The following HDAC5 variants were observed in gnomAD, a reference collection of about 807,000 sequenced individuals.
HDAC5 encodes antigen NY-CO-9.
Under a neutral mutation model 133.3 loss-of-function variants are expected in HDAC5, and 25 were observed. The observed-to-expected ratio is 0.19, with a 90% CI of 0.14 to 0.26. The LOEUF is 0.26. Among genes scored for constraint, HDAC5 ranks in the 10% least tolerant of loss-of-function variants. HDAC5 has a pLI of 1.00. For synonymous variants in HDAC5, 589 were observed against 610.8 expected (o/e 0.96, Z 0.53); for missense variants, 1,041 against 1,460.5 (o/e 0.71, Z 4.68).
chr17:44,120,886 A>G (rs957942429), intron 1 of HDAC5, among the ~76,000 whole-genome samples: 4 of 152,010 alleles, frequency 2.6e-5, no homozygotes, highest in Non-Finnish European at 4.4e-5. Flanking sequence ...GCCTCCCCCA[A>G]GCTAGGCCAA....
At chr17:44,106,637 C>G (rs2051967079) in intron 3 of HDAC5, among the ~76,000 whole-genome samples, 1 of 151,794 alleles carries the variant, frequency 6.6e-6, no homozygotes, top group Admixed American at 6.6e-5. Flanking sequence ...GTTGCCCAGG[C>G]TGGAGTGCAA....
intron 3 of HDAC5, among the ~76,000 whole-genome samples, chr17:44,099,621 C>T (rs2051466526): frequency 6.6e-6 from 1 of 151,962 alleles, no homozygotes; most frequent in East Asian, 1.9e-4. Flanking sequence ...ACTACAGGCA[C>T]CCGCCACCAC....
intron 2 of HDAC5, among the ~76,000 whole-genome samples, chr17:44,114,306 C>G (rs141233463): frequency 1.2e-3 from 177 of 152,352 alleles, no homozygotes; most frequent in Non-Finnish European, 2.0e-3. Context: ...GATTGACCCA[C>G]TTTCTCACTG....
At chr17:44,122,942 G>A (rs1390665075) in intron 1 of HDAC5, among the ~76,000 whole-genome samples, 1 of 152,226 alleles carries the variant, frequency 6.6e-6, no homozygotes, top group Non-Finnish European at 1.5e-5. Context: ...AGGAGACGGG[G>A]TGAGAATAAT....
intron 11 of HDAC5, among the ~76,000 whole-genome samples, chr17:44,090,406 G>A (rs866752826): frequency 2.0e-5 from 3 of 151,890 alleles, no homozygotes; most frequent in Admixed American, 6.6e-5. Context: ...ACAGAGTGTC[G>A]CTCTGTTGCC....
In HDAC5 at chr17:44,117,361, T is replaced by C; in HGVS notation, c.22+133A>G. 9.9e-7 allele frequency: 1 copy of C among 1,009,970 alleles called. No homozygotes were observed. The highest frequency in any genetic ancestry group is 1.6e-6 in the Non-Finnish European group (1 of 637,918). The allele number at this position is 1,009,970 out of a possible 1,614,324, so 62.6% of individuals were successfully genotyped here. A position where few individuals can be genotyped will look rare whatever the true frequency, so the allele number is the denominator to read the frequency against. ...CCTCATGGGCCCTTTCTTGCAACAC[T>C]TCTCCACTCCTTACCCCCTCATTCC... On this transcript the variant is annotated intron_variant, in intron 2 of 26. Transcript: ENST00000682912. The surrounding 1 kb of genome is among the most constrained non-coding windows in gnomAD (Gnocchi z 4.2).
At chr17:44,094,777 C>G (rs1327516976) in intron 3 of HDAC5, among the ~76,000 whole-genome samples, 1 of 151,768 alleles carries the variant, frequency 6.6e-6, no homozygotes, top group Non-Finnish European at 1.5e-5. Flanking sequence ...TACACACACA[C>G]ATACATATGT....
At chr17:44,109,014 C>A (rs541347953) in intron 3 of HDAC5, among the ~76,000 whole-genome samples, 1 of 152,192 alleles carries the variant, frequency 6.6e-6, no homozygotes, top group East Asian at 1.9e-4. Flanking sequence ...CATGCAGGGG[C>A]AGCCAGGCTT....
At chr17:44,107,607 CAAAA>C (rs61428400) in intron 3 of HDAC5, among the ~76,000 whole-genome samples, 2 of 88,688 alleles carry the variant, frequency 2.3e-5, no homozygotes, top group Admixed American at 1.3e-4. Flanking sequence ...GACTCCGTAT[CAAAA>C]AAAAAAAAAA....
rs1257746583 is a variant in HDAC5 at position 44,111,632 on chromosome 17, C to G, written c.23-832G>C. On this transcript the variant is annotated intron_variant, in intron 2 of 26. Transcript: ENST00000682912. ...GGTCTAGGAGAGGCTGGCACACAGGCACCTTCCCTGGAGTTCTAATAGCCC... is the reference window on the plus strand; with the variant it reads ...GGTCTAGGAGAGGCTGGCACACAGGGACCTTCCCTGGAGTTCTAATAGCCC... The G allele has an allele frequency of 1.2e-5, 6 of 517,998 alleles. No homozygotes were observed. In the Admixed American group the frequency reaches 1.2e-4, roughly 10 times the overall value. The allele number at this position is 517,998 out of a possible 1,614,324, so 32.1% of individuals were successfully genotyped here.
intron 2 of HDAC5, among the ~76,000 whole-genome samples, chr17:44,114,405 C>T (rs907798165): frequency 6.6e-6 from 1 of 152,154 alleles, no homozygotes; most frequent in African/African-American, 2.4e-5. Flanking sequence ...ACACCCATGC[C>T]CCAGTTTCTC....
At chr17:44,111,473 C>G (rs1438387138) in intron 2 of HDAC5, 1 of 429,376 alleles carries the variant, frequency 2.3e-6, no homozygotes, top group African/African-American at 2.0e-5. Flanking sequence ...AGGGCGCCGG[C>G]CAGGGTACCC....
intron 21 of HDAC5, 33 bp downstream of exon 21, chr17:44,080,730 A>G (rs777775220): frequency 1.4e-5 from 22 of 1,613,994 alleles, no homozygotes; most frequent in Non-Finnish European, 1.9e-5. Flanking sequence ...CAGAGGGGCC[A>G]GGAGGGTCTG....
chr17:44,089,070 C>T (rs573372586), intron 11 of HDAC5, among the ~76,000 whole-genome samples: 31 of 152,194 alleles, frequency 2.0e-4, no homozygotes, highest in Middle Eastern at 3.4e-3. Context: ...TAAGGGCTGT[C>T]TAAAGTTGTG....
rs373517797 is a variant in HDAC5, at chr17:44,078,611, C to T, written c.3218G>A (p.Arg1073Gln). Residue 1073 changes from arginine to glutamine, a missense_variant, in exon 26 of 27, where the codon CGA (arginine) becomes CAA (glutamine). Arg to Gln is a conservative substitution (Grantham distance 43, BLOSUM62 1). Transcript: ENST00000682912. ...KFAAGLGRSL[R>Q]EAQAGETEEA... The stretch of plus-strand genomic sequence containing the variant: ...CTCGGTCTCACCTGCTTGGGCCTCT[C>T]GCAGGGACCGGCCCAGACCAGCGGC... The T allele has an allele frequency of 3.3e-5, 53 of 1,607,964 alleles. No homozygotes were observed. Among genetic ancestry groups the T allele is most frequent in the Admixed American group, 2.3e-4 (14 of 59,974 alleles).
chr17:44,104,466 G>A, intron 3 of HDAC5, among the ~76,000 whole-genome samples: 1 of 152,196 alleles, frequency 6.6e-6, no homozygotes, highest in Admixed American at 6.5e-5. Flanking sequence ...ATTTCAGACT[G>A]TCTGAATGTC....
At chr17:44,079,017 A>T (rs971385945) in intron 24 of HDAC5, 127 bp downstream of exon 24, 12 of 1,505,896 alleles carry the variant, frequency 8.0e-6, no homozygotes, top group Admixed American at 1.9e-5. Flanking sequence ...ATACTCAGAA[A>T]GCCTGGCCAT....
At chr17:44,114,447 G>GC (rs1567689765) in intron 2 of HDAC5, among the ~76,000 whole-genome samples, 1 of 152,162 alleles carries the variant, frequency 6.6e-6, no homozygotes, top group Non-Finnish European at 1.5e-5. Context: ...TGGGGGGGGG[G>GC]GGCTGCTGCC....
At chr17:44,079,299 GGAA>G in intron 23 of HDAC5, 22 bp from the exon 24 acceptor site, 1 of 1,608,990 alleles carries the variant, frequency 6.2e-7, no homozygotes, top group Non-Finnish European at 8.5e-7. Flanking sequence ...GGTGAAGGGA[GGAA>G]GAAGAAATGG....
Sources: allele counts gnomAD v4.1 joint callset (sites outside exome capture counted in the v4.1 genomes callset), GRCh38; gene constraint gnomAD v4.1.1; non-coding constraint Gnocchi (gnomAD v3.1); transcripts MANE v1.5; gene names NCBI Gene and HGNC (gene_info 2026-07-23, HGNC 2026-07-21).